Variants in MBOAT1 observed in about 807,000 individuals in gnomAD.
The protein encoded by MBOAT1 is membrane-bound glycerophospholipid O-acyltransferase 1.
A neutral mutation model predicts 64.4 loss-of-function variants in MBOAT1; 67 were observed. The ratio of observed to expected loss-of-function variants is 1.04; its 90% CI spans 0.85 to 1.27. MBOAT1 has a LOEUF of 1.27. MBOAT1 is among the 50% of genes most tolerant of loss of function. MBOAT1 has a pLI of 0.00. For synonymous variants in MBOAT1, 229 were observed against 218.9 expected (o/e 1.05, Z -0.41); for missense variants, 563 against 604.6 (o/e 0.93, Z 0.72).
At chr6:20,108,966 T>C (rs2113627098) in intron 12 of MBOAT1, among the ~76,000 whole-genome samples, 2 of 152,332 alleles carry the variant, frequency 1.3e-5, no homozygotes, top group East Asian at 3.9e-4. Flanking sequence ...GAAATACAAT[T>C]CATTACACAT....
At chr6:20,142,741 C>T (rs9348413) in intron 4 of MBOAT1, among the ~76,000 whole-genome samples, 22,551 of 152,154 alleles carry the variant, frequency 0.15, 2,125 homozygotes, top group East Asian at 0.5. Flanking sequence ...TGAGCCACTA[C>T]GCCCATCCTG....
intron 3 of MBOAT1, among the ~76,000 whole-genome samples, chr6:20,145,911 C>A (rs540423759): frequency 3.9e-5 from 6 of 152,316 alleles, no homozygotes; most frequent in Admixed American, 2.0e-4. Context: ...TGTTCCCCAT[C>A]CCCAGCACAA....
chr6:20,210,827 T>C (rs771210018), intron 1 of MBOAT1, among the ~76,000 whole-genome samples: 1 of 152,120 alleles, frequency 6.6e-6, no homozygotes, highest in African/African-American at 2.4e-5. Context: ...TTAAAATACC[T>C]TCTGATAGGG....
At chr6:20,124,715 C>T in intron 7 of MBOAT1, 115 bp from the exon 8 acceptor site, 1 of 882,768 alleles carries the variant, frequency 1.1e-6, no homozygotes, top group Non-Finnish European at 1.8e-6. Context: ...GGCATTATTC[C>T]CCAGAAGGAG....
intron 1 of MBOAT1, among the ~76,000 whole-genome samples, chr6:20,159,544 G>A (rs767852600): frequency 1.6e-4 from 25 of 152,114 alleles, no homozygotes; most frequent in African/African-American, 2.9e-4. Context: ...GACAAATACC[G>A]TATGATCTTA....
intron 1 of MBOAT1, among the ~76,000 whole-genome samples, chr6:20,160,904 T>G (rs1761834734): frequency 6.6e-6 from 1 of 152,206 alleles, no homozygotes; most frequent in Non-Finnish European, 1.5e-5. Flanking sequence ...TTTCCCAGTT[T>G]GTGGATAAGC....
At position 20,212,135 on chromosome 6, in the gene MBOAT1, C is replaced by G. The variant is rs987421730; in HGVS notation, c.99+1G>C. 5 of 1,613,350 alleles carry G rather than the reference C, an allele frequency of 3.1e-6. No homozygotes were observed. Among genetic ancestry groups the G allele is most frequent in the Middle Eastern group, 1.7e-4 (1 of 5,978 alleles). On this transcript the variant is annotated splice_donor_variant, in intron 1 of 12. Transcript: ENST00000324607. LOFTEE classifies it high-confidence loss of function. ...TCGCTGCGCTCCCGGCCTGCAGTTA[C>G]CTGGTCCAGCGGGATGCCCAGGAGC...
Position 20,126,520 on chromosome 6 carries a change from G to A in MBOAT1, c.711C>T (p.Pro237=). 1 of 1,607,076 alleles carries A rather than the reference G, an allele frequency of 6.2e-7. No homozygotes were observed. Among genetic ancestry groups the A allele is most frequent in the South Asian group, 1.1e-5 (1 of 89,312 alleles). Residue 237 remains proline, a synonymous_variant, in exon 7 of 13, where the codon CCC becomes CCT. Transcript: ENST00000324607. The stretch of plus-strand genomic sequence containing the variant: ...TCTCTAGACACTAAAAACTTACTGT[G>A]GGAGAAGGTTCTGGCAAGCTGTGGA... ...KGFHSLPEPS[P]TGAVIHKLGI... is the part of the protein sequence containing the mutation.
chr6:20,115,956 G>C (rs1373252819), intron 9 of MBOAT1, among the ~76,000 whole-genome samples: 2 of 150,532 alleles, frequency 1.3e-5, no homozygotes, highest in African/African-American at 4.9e-5. Flanking sequence ...CCGAGGAAGA[G>C]ACATCCCACA....
chr6:20,187,369 G>T (rs1201559787), intron 1 of MBOAT1, among the ~76,000 whole-genome samples: 1 of 152,176 alleles, frequency 6.6e-6, no homozygotes, highest in Non-Finnish European at 1.5e-5. Context: ...TCCATAACAA[G>T]ATACATACAA....
chr6:20,114,132 T>C (rs938210006), intron 10 of MBOAT1, among the ~76,000 whole-genome samples: 1 of 152,206 alleles, frequency 6.6e-6, no homozygotes, highest in Non-Finnish European at 1.5e-5. Flanking sequence ...GATGACTATG[T>C]TCAGATCAAT....
At chr6:20,180,901 T>G (rs1181675280) in intron 1 of MBOAT1, among the ~76,000 whole-genome samples, 3 of 152,196 alleles carry the variant, frequency 2.0e-5, no homozygotes, top group Non-Finnish European at 2.9e-5. Context: ...AAAGGCTTCA[T>G]TAGAACTTAA....
chr6:20,196,786 A>T (rs550167287), intron 1 of MBOAT1, among the ~76,000 whole-genome samples: 1 of 151,852 alleles, frequency 6.6e-6, no homozygotes, highest in Admixed American at 6.6e-5. Context: ...ACTTGAACCC[A>T]GGAGGTGGAG....
In MBOAT1 at chr6:20,152,670, C is replaced by A; in HGVS notation, c.199G>T (p.Val67Phe). Residue 67 changes from valine (V) to phenylalanine (F), a missense_variant, in exon 2 of 13, where the codon GTT (valine) becomes TTT (phenylalanine). Val to Phe is a conservative substitution (Grantham distance 50, BLOSUM62 -1). Coordinates refer to ENST00000324607, the MANE Select transcript of MBOAT1 (RefSeq NM_001080480.3). ...GTTSSDVRHAVATIFGIYFVI... is the reference protein window; with the variant it reads ...GTTSSDVRHAFATIFGIYFVI... Reference sequence around the variant, plus strand: ...AAATAGATGCCAAAAATGGTGGCAACCGCATGCCGGACATCAGAGCTGGTT... The same window carrying A: ...AAATAGATGCCAAAAATGGTGGCAAACGCATGCCGGACATCAGAGCTGGTT... 1 of 1,611,664 alleles carries A rather than the reference C, an allele frequency of 6.2e-7. No homozygotes were observed. The highest frequency in any genetic ancestry group is 1.1e-5 in the South Asian group (1 of 90,828).
intron 8 of MBOAT1, among the ~76,000 whole-genome samples, chr6:20,123,438 C>G (rs16883394): frequency 6.6e-6 from 1 of 152,186 alleles, no homozygotes; most frequent in Non-Finnish European, 1.5e-5. Flanking sequence ...CACCCTTTCC[C>G]AGTCTCTAAG....
intron 1 of MBOAT1, among the ~76,000 whole-genome samples, chr6:20,167,705 A>C (rs1045594845): frequency 5.9e-5 from 9 of 152,220 alleles, no homozygotes; most frequent in African/African-American, 2.2e-4. Flanking sequence ...GTCCCACCCT[A>C]ATCCCCTAGT....
At chr6:20,155,265 G>A (rs534821629) in intron 1 of MBOAT1, among the ~76,000 whole-genome samples, 33 of 152,272 alleles carry the variant, frequency 2.2e-4, no homozygotes, top group Middle Eastern at 3.4e-3. Flanking sequence ...GCAGGATCTG[G>A]CAATTTTTGT....
chr6:20,198,690 T>C (rs1763033002), intron 1 of MBOAT1, among the ~76,000 whole-genome samples: 1 of 152,250 alleles, frequency 6.6e-6, no homozygotes, highest in East Asian at 1.9e-4. Context: ...TCTAGACACA[T>C]ATTACTCTAA....
chr6:20,164,730 G>C lies in MBOAT1; in HGVS notation c.100-11961C>G, dbSNP rs577506817. Among the ~76,000 whole-genome samples the C allele has an allele frequency of 2.0e-5, 3 of 152,304 alleles. No homozygotes were observed. In the South Asian group the frequency reaches 6.2e-4, roughly 32 times the overall value. On this transcript the variant is annotated intron_variant, in intron 1 of 12. Coordinates refer to ENST00000324607, the MANE Select transcript of MBOAT1 (RefSeq NM_001080480.3). ...ACTTCTAATGCCAACCGGGAAGAAA[G>C]AGGCAGCTTAGCGAGTGTATGTTAG...
Sources: allele counts gnomAD v4.1 joint callset (sites outside exome capture counted in the v4.1 genomes callset), GRCh38; gene constraint gnomAD v4.1.1; transcripts MANE v1.5; gene names NCBI Gene and HGNC (gene_info 2026-07-23, HGNC 2026-07-21).